The following TPO variants were observed in gnomAD, a reference collection of about 807,000 sequenced individuals.
TPO encodes thyroid microsomal antigen.
Under a neutral mutation model 96.9 loss-of-function variants are expected in TPO, and 78 were observed. The observed-to-expected ratio is 0.81, with a 90% confidence interval of 0.67 to 0.97. TPO has a LOEUF of 0.97. Among genes scored for constraint, TPO ranks in the 50% least tolerant of loss-of-function variants. The pLI, the probability that TPO is intolerant of heterozygous loss-of-function variation, is 0.00. For missense variants in TPO, 1,252 were observed against 1,274.8 expected (o/e 0.98, Z 0.27); for synonymous variants, 547 against 538.0 (o/e 1.02, Z -0.23).
chr2:1,484,817 C>T lies in TPO; in HGVS notation c.1560C>T (p.His520=). Residue 520 remains histidine (H), a synonymous_variant, in exon 9 of 17, where the codon CAC becomes CAT. Transcript: ENST00000329066. ...CCGACCTGCCCGGGCTGTGGCTGCA[C>T]CAGGCTTTCTTCAGCCCATGGACAT... ...EHPDLPGLWL[H]QAFFSPWTLL... 1 of 1,614,040 alleles carries T rather than the reference C, an allele frequency of 6.2e-7. No homozygotes were observed. Among genetic ancestry groups the T allele is most frequent in the Admixed American group, 1.7e-5 (1 of 60,026 alleles).
intron 9 of TPO, among the ~76,000 whole-genome samples, chr2:1,485,397 T>C (rs1246192013): frequency 6.6e-6 from 1 of 152,182 alleles, no homozygotes; most frequent in African/African-American, 2.4e-5. Context: ...GCAGCATGAT[T>C]TATAGTCCCT....
At chr2:1,440,875 G>A (rs1284898321) in intron 5 of TPO, among the ~76,000 whole-genome samples, 2 of 142,170 alleles carry the variant, frequency 1.4e-5, no homozygotes, top group African/African-American at 2.7e-5. Context: ...TTGTTTCCAT[G>A]GTGTAGTCAG....
chr2:1,439,832 CCT>C (rs1665966522), intron 5 of TPO, among the ~76,000 whole-genome samples: 1 of 152,146 alleles, frequency 6.6e-6, no homozygotes, highest in African/African-American at 2.4e-5. Flanking sequence ...TGGATGGTCC[CCT>C]GCCTTGAGGG....
intron 1 of TPO, among the ~76,000 whole-genome samples, chr2:1,398,534 C>T (rs542120307): frequency 6.6e-6 from 1 of 152,330 alleles, no homozygotes; most frequent in African/African-American, 2.4e-5. Flanking sequence ...GTTGTGGCCC[C>T]AGCATTGCAG....
chr2:1,476,871 G>A (rs1353023186), intron 7 of TPO, among the ~76,000 whole-genome samples: 3 of 150,846 alleles, frequency 2.0e-5, no homozygotes, highest in Non-Finnish European at 4.4e-5. Context: ...TGGGGGGCTG[G>A]CTGGACCAAC....
intron 15 of TPO, among the ~76,000 whole-genome samples, chr2:1,529,781 C>G (rs1269013000): frequency 1.6e-4 from 21 of 131,148 alleles, no homozygotes; most frequent in African/African-American, 6.1e-4. Context: ...CTAATCCCCC[C>G]ACTGTGAGCA....
chr2:1,522,997 T>A (rs1403694628), intron 15 of TPO, among the ~76,000 whole-genome samples: 6 of 128,944 alleles, frequency 4.7e-5, no homozygotes, highest in African/African-American at 1.8e-4. Flanking sequence ...TCCCACGCTG[T>A]GCAAACTCCC....
intron 1 of TPO, among the ~76,000 whole-genome samples, chr2:1,374,846 C>T (rs943614442): frequency 2.6e-5 from 4 of 151,640 alleles, no homozygotes; most frequent in African/African-American, 9.7e-5. Context: ...CCTGCCTCAA[C>T]CTCCCAAGTA....
At chr2:1,411,147 C>T (rs59901214), upstream of TPO, among the ~76,000 whole-genome samples, 3,196 of 152,304 alleles carry the variant, frequency 0.021, 117 homozygotes, top group African/African-American at 0.073. Context: ...AGACTTTTCT[C>T]CGCTCCCCTC....
intron 10 of TPO, among the ~76,000 whole-genome samples, chr2:1,492,938 C>T (rs1219537708): frequency 6.6e-6 from 1 of 151,996 alleles, no homozygotes; most frequent in Non-Finnish European, 1.5e-5. Flanking sequence ...GACAGCTGAA[C>T]CAAGAGGAGT....
chr2:1,496,792 C>G, intron 13 of TPO, 27 bp downstream of exon 13: 2 of 1,613,982 alleles, frequency 1.2e-6, no homozygotes, highest in Non-Finnish European at 8.5e-7. Flanking sequence ...ATGACAATTA[C>G]AAAACATCTG....
chr2:1,385,901 C>G (rs538448898), intron 1 of TPO, among the ~76,000 whole-genome samples: 15 of 152,198 alleles, frequency 9.9e-5, no homozygotes, highest in African/African-American at 2.4e-4. Flanking sequence ...CCCAGAGATT[C>G]TGGTATGTTG....
chr2:1,453,544 G>T (rs1667505750), intron 5 of TPO, 150 bp from the exon 6 acceptor site: 2 of 1,220,350 alleles, frequency 1.6e-6, no homozygotes, highest in East Asian at 2.3e-5. Context: ...GCCTCCAGGA[G>T]GCCTTTCGGG....
chr2:1,518,691 T>A (rs1414162316), intron 15 of TPO, among the ~76,000 whole-genome samples: 2 of 152,206 alleles, frequency 1.3e-5, no homozygotes, highest in Non-Finnish European at 1.5e-5. Context: ...CAGACAACTG[T>A]GAGAAATTCC....
chr2:1,393,472 G>A (rs184613980), intron 1 of TPO, among the ~76,000 whole-genome samples: 96 of 152,354 alleles, frequency 6.3e-4, no homozygotes, highest in African/African-American at 2.2e-3. Context: ...GGTGGAAGAG[G>A]TGGGTGTTGG....
intron 2 of TPO, among the ~76,000 whole-genome samples, chr2:1,419,408 T>C (rs1663279231): frequency 6.6e-6 from 1 of 152,196 alleles, no homozygotes; most frequent in Non-Finnish European, 1.5e-5. Flanking sequence ...CCCAGCTCCC[T>C]GGTGGCAGGA....
chr2:1,414,461 CCTT>C lies in TPO; in HGVS notation c.58_60del (p.Phe20del). The stretch of plus-strand genomic sequence containing the variant: ...ACGCTGGTTATGGCCTGCACAGAAG[CCTT>C]CTTCCCCTTCATCTCGAGAGGGAAA... On this transcript the variant is annotated inframe_deletion, in exon 2 of 17. Coordinates refer to ENST00000329066, the MANE Select transcript of TPO (RefSeq NM_001206744.2). The C allele has an allele frequency of 5.0e-6, 8 of 1,613,940 alleles. No homozygotes were observed. The highest frequency in any genetic ancestry group is 5.9e-6 in the Non-Finnish European group (7 of 1,179,898).
chr2:1,448,708 G>A (rs915425502), intron 5 of TPO, among the ~76,000 whole-genome samples: 1 of 152,216 alleles, frequency 6.6e-6, no homozygotes, highest in Non-Finnish European at 1.5e-5. Context: ...TAAATGGCTG[G>A]AGATTGATTG....
chr2:1,381,241 GA>G (rs1368240279), intron 1 of TPO, among the ~76,000 whole-genome samples: 10 of 152,040 alleles, frequency 6.6e-5, no homozygotes, highest in African/African-American at 2.4e-4. Context: ...CATAATGGGA[GA>G]AAATTTTTGC....
Sources: allele counts gnomAD v4.1 joint callset (sites outside exome capture counted in the v4.1 genomes callset), GRCh38; gene constraint gnomAD v4.1.1; transcripts MANE v1.5; gene names NCBI Gene and HGNC (gene_info 2026-07-23, HGNC 2026-07-21).